The following MDN1 variants were observed in gnomAD, a reference collection of about 807,000 sequenced individuals.
The protein encoded by MDN1 is midasin.
In MDN1, 266 loss-of-function variants were observed where a neutral mutation model predicts 669.2. That is an observed-to-expected ratio of 0.40 (90% CI 0.36 to 0.44). The LOEUF (loss-of-function observed/expected upper bound fraction) is 0.44, where lower values mean the gene tolerates loss of function less well. MDN1 is among the 20% of genes least tolerant of loss of function. The probability of loss-of-function intolerance (pLI) is 1.00; values close to 1 mark genes in which losing one functional copy is unlikely to be tolerated. For synonymous variants in MDN1, 2,385 were observed against 2,457.1 expected, an observed-to-expected ratio of 0.97 and a Z score of 0.87; for missense variants, 5,940 against 6,754.0, an observed-to-expected ratio of 0.88 and a Z score of 4.22.
At chr6:89,660,197 T>C (rs1809630036) in intron 88 of MDN1, among the ~76,000 whole-genome samples, 1 of 152,120 alleles carries the variant, frequency 6.6e-6, no homozygotes, top group Non-Finnish European at 1.5e-5. Context: ...AATTTTTTAA[T>C]TTTTTAGAGA....
chr6:89,800,537 C>G (rs1309317554), intron 2 of MDN1, among the ~76,000 whole-genome samples: 1 of 152,186 alleles, frequency 6.6e-6, no homozygotes, highest in Non-Finnish European at 1.5e-5. Flanking sequence ...AGCATAGATG[C>G]TTACTGTCCC....
Position 89,758,961 on chromosome 6 carries a change from C to G in MDN1, c.2461-1G>C. On this transcript the variant is annotated splice_acceptor_variant, in intron 17 of 101. Transcript: ENST00000369393. LOFTEE classifies it high-confidence loss of function. ...TCTTTACAGCCTGAGCTAATGTACC[C>G]TAGAAAAAGATAAAATAAAATGTTA... 6.2e-7 allele frequency: 1 copy of G among 1,612,472 alleles called. No individual in the cohort carries two copies. Among genetic ancestry groups the G allele is most frequent in the Non-Finnish European group, 8.5e-7 (1 of 1,178,944 alleles).
intron 1 of MDN1, among the ~76,000 whole-genome samples, chr6:89,816,540 C>T (rs1170986572): frequency 6.6e-6 from 1 of 151,936 alleles, no homozygotes; most frequent in African/African-American, 2.4e-5. Context: ...GCCTGGACAA[C>T]AAAGCAAGAT....
intron 15 of MDN1, among the ~76,000 whole-genome samples, chr6:89,765,420 T>C (rs1817763573): frequency 6.6e-6 from 1 of 152,084 alleles, no homozygotes; most frequent in Non-Finnish European, 1.5e-5. Flanking sequence ...ACAGTGAAAA[T>C]GGTGAGAAAT....
chr6:89,679,619 C>T (rs1252664578), intron 74 of MDN1, among the ~76,000 whole-genome samples: 2 of 152,162 alleles, frequency 1.3e-5, no homozygotes, highest in African/African-American at 2.4e-5. Context: ...AGAGTGACCA[C>T]GGGAGGACAC....
intron 2 of MDN1, among the ~76,000 whole-genome samples, chr6:89,799,862 T>C (rs1041101351): frequency 6.6e-6 from 1 of 152,202 alleles, no homozygotes; most frequent in Non-Finnish European, 1.5e-5. Context: ...CCAGGAATTG[T>C]AATTTCCGAT....
intron 74 of MDN1, 106 bp downstream of exon 74, chr6:89,680,483 C>T: frequency 3.0e-6 from 4 of 1,353,538 alleles, no homozygotes; most frequent in Admixed American, 2.6e-5. Context: ...AACTGTTCAA[C>T]ACTACACAAG....
rs1813582994 is a variant in MDN1, at chr6:89,707,372, T to C, written c.8003A>G (p.Glu2668Gly). ...LRESVLRMSF[E>G]FHQDPESYHT... The stretch of plus-strand genomic sequence containing the variant: ...GTAAATGTTCTTACCTTGATGGAAT[T>C]CAAAGGACATTCTCAAAACACTCTC... Residue 2668 changes from glutamate to glycine, a missense_variant, in exon 52 of 102, where the codon GAA becomes GGA. Physicochemically the swap from Glu to Gly is moderately conservative, Grantham distance 98 (BLOSUM62 -2). Around this residue, in one of 5 missense-constraint regions of MDN1, gnomAD observed 2,292 missense variants for 2,638.3 expected, o/e 0.87. Transcript: ENST00000369393. 1 of 1,608,680 alleles carries C rather than the reference T, an allele frequency of 6.2e-7. No individual in the cohort carries two copies. Among genetic ancestry groups the C allele is most frequent in the African/African-American group, 1.3e-5 (1 of 74,900 alleles).
In MDN1 at chr6:89,677,579, GCCT is replaced by G; in HGVS notation, c.12527_12529del (p.Glu4176del). 6.2e-7 allele frequency: 1 copy of G among 1,614,022 alleles called. No homozygotes were observed. The highest frequency in any genetic ancestry group is 1.3e-5 in the African/African-American group (1 of 75,038). ...ACAAAAACAGACAAACCTAGAATCA[GCCT>G]CCTGAGTGCTGCTGACGATGGACAA... is the stretch of plus-strand genomic sequence containing the variant. On this transcript the variant is annotated inframe_deletion, in exon 76 of 102. Transcript: ENST00000369393.
chr6:89,767,799 C>G (rs1408176282), intron 15 of MDN1, among the ~76,000 whole-genome samples: 1 of 151,412 alleles, frequency 6.6e-6, no homozygotes, highest in Admixed American at 6.6e-5. Flanking sequence ...TAATCCCAGC[C>G]CTTTGGGAGG....
chr6:89,686,731 G>A (rs546620996), intron 69 of MDN1, among the ~76,000 whole-genome samples, 171 bp downstream of exon 69: 1 of 152,294 alleles, frequency 6.6e-6, no homozygotes, highest in East Asian at 1.9e-4. Flanking sequence ...AGATAAGCAC[G>A]ATTTACAGTT....
chr6:89,781,978 G>T (rs189441554), intron 9 of MDN1, among the ~76,000 whole-genome samples: 1 of 151,978 alleles, frequency 6.6e-6, no homozygotes, highest in East Asian at 1.9e-4. Flanking sequence ...CTCAAAAAAC[G>T]TAAATAAATA....
rs368207603 is a variant in MDN1, at chr6:89,661,812, C to T, written c.14566-234G>A. ...CAAATGGTGCTATGTTACTTAATCT[C>T]GAAGAAACTTACAAGAAGAAATAAA... On this transcript the variant is annotated intron_variant, in intron 87 of 101. Coordinates refer to ENST00000369393, the MANE Select transcript of MDN1 (RefSeq NM_014611.3). Among the ~76,000 whole-genome samples, 9 of 152,184 alleles carry T rather than the reference C, an allele frequency of 5.9e-5. No homozygotes were observed. In the East Asian group the frequency reaches 7.7e-4, roughly 13 times the overall value.
intron 31 of MDN1, among the ~76,000 whole-genome samples, chr6:89,742,858 A>C (rs1014347010): frequency 2.0e-5 from 3 of 152,216 alleles, no homozygotes; most frequent in Non-Finnish European, 2.9e-5. Flanking sequence ...AGCAAAAAAA[A>C]CCTAGAAATT....
chr6:89,652,359 T>G (rs1738804143), intron 94 of MDN1, 78 bp from the exon 95 acceptor site: 1 of 1,088,438 alleles, frequency 9.2e-7, no homozygotes, highest in South Asian at 1.3e-5. Flanking sequence ...TCTTCCGCCC[T>G]ACAGTATGAA....
chr6:89,810,000 A>T (rs1288162972), intron 1 of MDN1, among the ~76,000 whole-genome samples: 46 of 98,720 alleles, frequency 4.7e-4, no homozygotes, highest in Admixed American at 1.4e-3. Context: ...CACTAAAAAA[A>T]AAAAAAAAAA....
At chr6:89,720,648 G>GTT (rs1295568287) in intron 40 of MDN1, among the ~76,000 whole-genome samples, 2 of 152,054 alleles carry the variant, frequency 1.3e-5, no homozygotes, top group Non-Finnish European at 2.9e-5. Context: ...TTCAACAACT[G>GTT]GCATGTGTTT....
chr6:89,648,091 A>C lies in MDN1; in HGVS notation c.16336T>G (p.Ser5446Ala), dbSNP rs1302309418. Residue 5446 changes from serine to alanine, a missense_variant, in exon 99 of 102, where the codon TCT becomes GCT. Transcript: ENST00000369393. ...HPFHEQFSDYSGSQILRLCKF... is the reference protein window; with the variant it reads ...HPFHEQFSDYAGSQILRLCKF... ...CAGAGACGTAGAATCTGGGACCCAG[A>C]GTAATCACTGAACTGCTCATGAAAT... is the stretch of plus-strand genomic sequence containing the variant. 1 of 1,614,124 alleles carries C rather than the reference A, an allele frequency of 6.2e-7. No individual in the cohort carries two copies. Among genetic ancestry groups the C allele is most frequent in the Non-Finnish European group, 8.5e-7 (1 of 1,180,042 alleles).
chr6:89,772,809 A>G (rs1358853197), intron 13 of MDN1, 88 bp from the exon 14 acceptor site: 1 of 1,432,880 alleles, frequency 7.0e-7, no homozygotes, highest in African/African-American at 1.4e-5. Context: ...AGATTCAACA[A>G]CAAGGATGAG....
Sources: gnomAD v4.1 joint callset for allele counts (sites outside exome capture counted in the v4.1 genomes callset) on GRCh38, gnomAD v4.1.1 for gene constraint, gnomAD v4.1.1 regional missense constraint, MANE v1.5 for transcripts, NCBI Gene and HGNC (gene_info 2026-07-23, HGNC 2026-07-21) for gene names.